Variants in THEM4 observed in about 807,000 individuals in gnomAD.
THEM4 encodes thioesterase superfamily member 4, also known as acyl-coenzyme A thioesterase THEM4.
A neutral mutation model predicts 25.0 loss-of-function variants in THEM4; 22 were observed. That is an observed-to-expected ratio of 0.88 (90% CI 0.63 to 1.26). The LOEUF (loss-of-function observed/expected upper bound fraction) is 1.26. Among genes scored for constraint, THEM4 ranks in the 50% most tolerant of loss-of-function variants. The pLI is 0.00. For missense variants in THEM4, 286 were observed against 300.3 expected, an observed-to-expected ratio of 0.95 and a Z score of 0.35; for synonymous variants, 113 against 105.6, an observed-to-expected ratio of 1.07 and a Z score of -0.43.
At chr1:151,894,752 C>T in intron 2 of THEM4, 1 of 596,402 alleles carries the variant, frequency 1.7e-6, no homozygotes. Context: ...GGTGGAAGCT[C>T]TCTGGGGCCC....
At chr1:151,897,051 T>A (rs568051654) in intron 1 of THEM4, among the ~76,000 whole-genome samples, 1 of 152,150 alleles carries the variant, frequency 6.6e-6, no homozygotes, top group Non-Finnish European at 1.5e-5. Flanking sequence ...AAATGGAACA[T>A]TGCAGGGATC....
At chr1:151,900,931 G>A (rs571464880) in intron 1 of THEM4, among the ~76,000 whole-genome samples, 4 of 152,342 alleles carry the variant, frequency 2.6e-5, no homozygotes, top group South Asian at 2.1e-4. Flanking sequence ...GCAGAAAACC[G>A]CTTAAAGGTG....
At chr1:151,902,238 G>A (rs1654368372) in intron 1 of THEM4, among the ~76,000 whole-genome samples, 1 of 152,228 alleles carries the variant, frequency 6.6e-6, no homozygotes, top group Admixed American at 6.5e-5. Context: ...GTCATTATTC[G>A]AAAAAGATAC....
chr1:151,889,929 A>G (rs1288719619), intron 2 of THEM4: 1 of 134,328 alleles, frequency 7.4e-6, no homozygotes, highest in Non-Finnish European at 1.6e-5. Context: ...TTTTTTTGAC[A>G]GAGTTTCACT....
chr1:151,884,687 G>GTTTTTTTTTTTT (rs11371460), intron 4 of THEM4, among the ~76,000 whole-genome samples: 2 of 146,504 alleles, frequency 1.4e-5, no homozygotes, highest in Admixed American at 6.8e-5. Flanking sequence ...CCTTTTTTTT[G>GTTTTTTTTTTTT]TTTTTTTTTT....
At chr1:151,876,900 C>T (rs926142199) in intron 5 of THEM4, 101 bp downstream of exon 5, 9 of 1,436,812 alleles carry the variant, frequency 6.3e-6, no homozygotes, top group Non-Finnish European at 7.5e-6. Context: ...AAAACACCCC[C>T]CTGACCCCCA....
chr1:151,906,009 C>T (rs745410626), intron 1 of THEM4, among the ~76,000 whole-genome samples: 89 of 152,370 alleles, frequency 5.8e-4, no homozygotes, highest in Middle Eastern at 3.4e-3. Flanking sequence ...CTCGGCGCCT[C>T]CTCTGCCTGG....
intron 1 of THEM4, among the ~76,000 whole-genome samples, chr1:151,897,726 C>T (rs1654254978): frequency 6.6e-6 from 1 of 152,170 alleles, no homozygotes; most frequent in South Asian, 2.1e-4. Flanking sequence ...AGGAAGCGGA[C>T]TACTCCTGCA....
intron 5 of THEM4, 130 bp downstream of exon 5, chr1:151,876,871 C>T (rs1259559644): frequency 7.0e-6 from 8 of 1,142,698 alleles, no homozygotes; most frequent in Non-Finnish European, 9.8e-6. Flanking sequence ...AATACCAGGG[C>T]AAAAAACCAA....
At chr1:151,896,882 C>T (rs990723208) in intron 1 of THEM4, among the ~76,000 whole-genome samples, 1 of 152,132 alleles carries the variant, frequency 6.6e-6, no homozygotes, top group African/African-American at 2.4e-5. Flanking sequence ...GATTCTGAAT[C>T]CTGCAGTGAG....
At chr1:151,902,759 G>A (rs897406253) in intron 1 of THEM4, among the ~76,000 whole-genome samples, 9 of 152,158 alleles carry the variant, frequency 5.9e-5, no homozygotes, top group East Asian at 1.9e-4. Flanking sequence ...GTGCCAAGGC[G>A]GGTGGATCAC....
intron 1 of THEM4, among the ~76,000 whole-genome samples, chr1:151,900,355 T>G (rs190506550): frequency 3.6e-3 from 554 of 152,194 alleles, no homozygotes; most frequent in Admixed American, 6.3e-3. Flanking sequence ...TGAATGTAAA[T>G]GGCCTAAGTG....
chr1:151,898,140 G>A (rs1654266910), intron 1 of THEM4, among the ~76,000 whole-genome samples: 1 of 152,198 alleles, frequency 6.6e-6, no homozygotes. Context: ...CACAGGTCGG[G>A]GAAGAACTAA....
At chr1:151,886,792 C>G (rs1386591451) in intron 4 of THEM4, among the ~76,000 whole-genome samples, 1 of 152,198 alleles carries the variant, frequency 6.6e-6, no homozygotes, top group East Asian at 1.9e-4. Context: ...AACCCTACAA[C>G]TAACATCATG....
At chr1:151,877,675 C>T (rs1323495137) in intron 4 of THEM4, among the ~76,000 whole-genome samples, 1 of 152,138 alleles carries the variant, frequency 6.6e-6, no homozygotes, top group Non-Finnish European at 1.5e-5. Context: ...CTGAGCTGTC[C>T]AACCTGGTAG....
chr1:151,890,165 AAAGTGCTGGGATTATAGGCG>A (rs1654064140), intron 2 of THEM4: 6 of 454,948 alleles, frequency 1.3e-5, no homozygotes, highest in Non-Finnish European at 2.7e-5. Context: ...TTGGCCTCCC[AAAGTGCTGGGATTATAGGCG>A]TGAGCCACAG....
chr1:151,907,740 G>A (rs1654502619), intron 1 of THEM4, among the ~76,000 whole-genome samples: 1 of 152,120 alleles, frequency 6.6e-6, no homozygotes, highest in South Asian at 2.1e-4. Context: ...TTCTTTTTGG[G>A]GGGACAGCAA....
intron 4 of THEM4, among the ~76,000 whole-genome samples, chr1:151,882,313 T>C (rs1572074105): frequency 6.7e-6 from 1 of 149,062 alleles, no homozygotes; most frequent in South Asian, 2.1e-4. Context: ...GAGGCGGAGG[T>C]TGGAATGAGC....
chr1:151,890,197 G>T (rs781697057), intron 2 of THEM4: 1 of 457,460 alleles, frequency 2.2e-6, no homozygotes, highest in Non-Finnish European at 4.4e-6. Flanking sequence ...GAGCCACAGC[G>T]CCCGGCCATT....
Sources: gnomAD v4.1 joint callset for allele counts (sites outside exome capture counted in the v4.1 genomes callset) on GRCh38, gnomAD v4.1.1 for gene constraint, MANE v1.5 for transcripts, NCBI Gene and HGNC (gene_info 2026-07-23, HGNC 2026-07-21) for gene names.